Variants in BIRC5 observed in about 807,000 individuals in gnomAD.
BIRC5 encodes baculoviral IAP repeat containing 5, also known as baculoviral IAP repeat-containing protein 5.
In BIRC5, 8 loss-of-function variants were observed where a neutral mutation model predicts 15.8. The observed-to-expected ratio is 0.51, with a 90% CI of 0.30 to 0.91. The LOEUF (loss-of-function observed/expected upper bound fraction) is 0.91, where lower values mean the gene tolerates loss of function less well. Among genes scored for constraint, BIRC5 ranks in the 40% least tolerant of loss-of-function variants. BIRC5 has a pLI of 0.07. For missense variants in BIRC5, 163 were observed against 178.6 expected, an observed-to-expected ratio of 0.91 and a Z score of 0.50; for synonymous variants, 56 against 64.5, an observed-to-expected ratio of 0.87 and a Z score of 0.63.
At chr17:78,222,707 A>T (rs528828156) in intron 3 of BIRC5, 12 of 1,351,788 alleles carry the variant, frequency 8.9e-6, no homozygotes, top group Non-Finnish European at 1.2e-5. Context: ...CTGTCAGCAA[A>T]CAAATTTAAC....
At position 78,214,647 on chromosome 17, in the gene BIRC5, A is replaced by G. The variant is rs762363555; in HGVS notation, c.112-33A>G. ...CTGGGCCTCGGGGTTCCGGGCTGCC[A>G]CGTCCACTCACGAGCTGTGCTGTCC... On this transcript the variant is annotated intron_variant, in intron 1 of 3. Coordinates refer to ENST00000350051, the MANE Select transcript of BIRC5 (RefSeq NM_001168.3). 7 of 1,549,350 alleles carry G rather than the reference A, an allele frequency of 4.5e-6. No homozygotes were observed. The Admixed American group carries it at 1.3e-4, about 29-fold the overall frequency.
intron 2 of BIRC5, among the ~76,000 whole-genome samples, chr17:78,215,637 T>C (rs908663585): frequency 6.6e-6 from 1 of 152,322 alleles, no homozygotes; most frequent in Non-Finnish European, 1.5e-5. Flanking sequence ...ATCACCCCAG[T>C]TGTTTTTCTT....
At chr17:78,216,629 C>T (rs1374298973) in intron 2 of BIRC5, 35 bp from the exon 3 acceptor site, 2 of 1,597,796 alleles carry the variant, frequency 1.3e-6, no homozygotes, top group Non-Finnish European at 1.7e-6. Flanking sequence ...TTAATCCCTT[C>T]AGCTGCCTTT....
chr17:78,215,853 G>C, intron 2 of BIRC5: 1 of 1,050,706 alleles, frequency 9.5e-7, no homozygotes, highest in Non-Finnish European at 1.2e-6. Flanking sequence ...TCTGGTAACG[G>C]TGATAGTCAG....
At chr17:78,216,857 ACT>A in intron 3 of BIRC5, 76 bp downstream of exon 3, 1 of 1,113,118 alleles carries the variant, frequency 9.0e-7, no homozygotes, top group East Asian at 2.5e-5. Context: ...CCTCAAAGGG[ACT>A]CTGTGTTTTC....
At position 78,223,721 on chromosome 17, in the gene BIRC5, G is replaced by T. The variant is rs1349009382; in HGVS notation, c.*167G>T. The T allele has an allele frequency of 7.2e-7, 1 of 1,396,148 alleles. No homozygotes were observed. Among genetic ancestry groups the T allele is most frequent in the Non-Finnish European group, 9.4e-7 (1 of 1,062,222 alleles). The allele number at this position is 1,396,148 out of a possible 1,614,324, so 86.5% of individuals were successfully genotyped here. Reference sequence around the variant, plus strand: ...GTGCTCTTGTTTTGTCTTGAAAGTGGCACCAGAGGTGCTTCTGCCTGTGCA... The same window carrying T: ...GTGCTCTTGTTTTGTCTTGAAAGTGTCACCAGAGGTGCTTCTGCCTGTGCA... On this transcript the variant is annotated 3_prime_UTR_variant, in exon 4 of 4. Coordinates refer to ENST00000350051, the MANE Select transcript of BIRC5 (RefSeq NM_001168.3).
intron 2 of BIRC5, 63 bp downstream of exon 2, chr17:78,214,852 G>T: frequency 6.8e-7 from 1 of 1,465,720 alleles, no homozygotes; most frequent in Non-Finnish European, 9.4e-7. Flanking sequence ...AAAGATTTGA[G>T]TTGCAAAGAC....
At chr17:78,214,929 C>G in intron 2 of BIRC5, 140 bp downstream of exon 2, 2 of 754,584 alleles carry the variant, frequency 2.7e-6, no homozygotes, top group Non-Finnish European at 4.4e-6. Context: ...ACGGATACCT[C>G]TCTATATGCT....
rs189378515 is a variant in BIRC5, at chr17:78,222,626, T to C, written c.340-839T>C. Among the ~76,000 whole-genome samples the C allele has an allele frequency of 4.6e-3, 707 of 152,308 alleles. 5 individuals are homozygous for C. The highest frequency in any genetic ancestry group is 0.015 in the African/African-American group (636 of 41,568). On this transcript the variant is annotated intron_variant, in intron 3 of 3. Transcript: ENST00000350051. ...GTTGCGGTGAGCCAAGATCGTGCCT[T>C]TGCACACCAGCCAAGGCAACAAGAG...
At chr17:78,216,871 T>A in intron 3 of BIRC5, 90 bp downstream of exon 3, 3 of 974,418 alleles carry the variant, frequency 3.1e-6, no homozygotes, top group Non-Finnish European at 4.6e-6. Context: ...TGTGTTTTCC[T>A]CAGGAAGCAT....
At chr17:78,222,286 T>C (rs1006841789) in intron 3 of BIRC5, among the ~76,000 whole-genome samples, 6 of 150,962 alleles carry the variant, frequency 4.0e-5, no homozygotes, top group Admixed American at 3.9e-4. Flanking sequence ...TTTAATAATT[T>C]ATAAATTATA....
intron 3 of BIRC5, among the ~76,000 whole-genome samples, chr17:78,217,680 G>T (rs993682212): frequency 1.3e-5 from 2 of 150,364 alleles, no homozygotes; most frequent in African/African-American, 2.5e-5. Context: ...TGTATTTTTA[G>T]TAGAGACGGG....
chr17:78,216,192 T>C (rs1374934174), intron 2 of BIRC5: 2 of 151,130 alleles, frequency 1.3e-5, no homozygotes, highest in Non-Finnish European at 2.9e-5. Flanking sequence ...GAGCTTGCAG[T>C]GAGCCGAGAT....
chr17:78,214,768 G>T lies in BIRC5; in HGVS notation c.200G>T (p.Trp67Leu), dbSNP rs924568364. Residue 67 changes from tryptophan to leucine, a missense_variant, in exon 2 of 4, where the codon TGG becomes TTG. Physicochemically the swap from Trp to Leu is moderately conservative, Grantham distance 61 (BLOSUM62 -2). Transcript: ENST00000350051. ...CFFCFKELEG[W>L]EPDDDPIEEH... ...TTCTGCTTCAAGGAGCTGGAAGGCTGGGAGCCAGATGACGACCCCATGTAA... is the reference window on the plus strand; with the variant it reads ...TTCTGCTTCAAGGAGCTGGAAGGCTTGGAGCCAGATGACGACCCCATGTAA... 6.2e-7 allele frequency: 1 copy of T among 1,612,942 alleles called. No individual in the cohort carries two copies. Among genetic ancestry groups the T allele is most frequent in the African/African-American group, 1.3e-5 (1 of 74,902 alleles).
chr17:78,214,831 C>A, intron 2 of BIRC5, 42 bp downstream of exon 2: 1 of 1,541,582 alleles, frequency 6.5e-7, no homozygotes, highest in Non-Finnish European at 8.9e-7. Flanking sequence ...TTGTTTTGAA[C>A]TGAGTTGTCA....
At chr17:78,214,639 G>C in intron 1 of BIRC5, 41 bp from the exon 2 acceptor site, 2 of 1,532,118 alleles carry the variant, frequency 1.3e-6, no homozygotes, top group Non-Finnish European at 8.8e-7. Flanking sequence ...TCGGGGTTCC[G>C]GGCTGCCACG....
intron 3 of BIRC5, among the ~76,000 whole-genome samples, chr17:78,220,045 T>G (rs556268840): frequency 1.3e-5 from 2 of 152,258 alleles, no homozygotes; most frequent in South Asian, 4.1e-4. Flanking sequence ...TGGTGGACGC[T>G]GCGGGGTGCT....
At chr17:78,216,503 G>T (rs750788324) in intron 2 of BIRC5, 161 bp from the exon 3 acceptor site, 49 of 636,180 alleles carry the variant, frequency 7.7e-5, no homozygotes, top group Non-Finnish European at 1.2e-4. Context: ...TGGGAATGTG[G>T]CTTGGGCAAA....
chr17:78,218,581 T>C (rs2076496024), intron 3 of BIRC5, among the ~76,000 whole-genome samples: 1 of 150,570 alleles, frequency 6.6e-6, no homozygotes, highest in African/African-American at 2.4e-5. Context: ...TGAGCCACCA[T>C]GCGTGGTCTT....
Sources: gnomAD v4.1 joint callset for allele counts (sites outside exome capture counted in the v4.1 genomes callset) on GRCh38, gnomAD v4.1.1 for gene constraint, MANE v1.5 for transcripts, NCBI Gene and HGNC (gene_info 2026-07-23, HGNC 2026-07-21) for gene names.